FRMD4B: variants seen among roughly 807,000 people sequenced by gnomAD.
The protein encoded by FRMD4B is FERM domain-containing protein 4B.
A neutral mutation model predicts 141.5 loss-of-function variants in FRMD4B; 74 were observed. That is an observed-to-expected ratio of 0.52 (90% CI 0.43 to 0.63). FRMD4B has a LOEUF of 0.63. FRMD4B is among the 30% of genes least tolerant of loss of function. The pLI is 0.00. For missense variants in FRMD4B, 1,366 were observed against 1,253.4 expected (o/e 1.09, Z -1.36); for synonymous variants, 506 against 467.9 (o/e 1.08, Z -1.05).
In FRMD4B at chr3:69,519,000, G is replaced by A. The variant is rs763516192; in HGVS notation, c.-129+23206C>T. 2.0e-4 allele frequency among the ~76,000 whole-genome samples: 31 copies of A among 152,212 alleles called. 1 individual carries two copies. The highest frequency in any genetic ancestry group is 8.8e-5 in the Non-Finnish European group (6 of 68,036). ...CCTCAGATTCCCCTCTGAAGAATCT[G>A]TTGAGAAGGTGTGGGCATGGCACAA... On this transcript the variant is annotated intron_variant, in intron 1 of 5. Coordinates refer to the FRMD4B transcript ENST00000459638.
chr3:69,315,852 T>C (rs1046364278), intron 1 of FRMD4B, among the ~76,000 whole-genome samples: 5 of 152,248 alleles, frequency 3.3e-5, no homozygotes, highest in African/African-American at 1.2e-4. Flanking sequence ...CTCTAAGCCG[T>C]TGTACAAAAC....
chr3:69,334,514 G>A (rs769122221), intron 1 of FRMD4B: 10 of 151,986 alleles, frequency 6.6e-5, no homozygotes, highest in Admixed American at 2.6e-4. Context: ...GTGGGACTGG[G>A]ATTAAATGAT....
intron 2 of FRMD4B, among the ~76,000 whole-genome samples, chr3:69,417,556 C>A (rs1388064283): frequency 1.3e-5 from 2 of 152,152 alleles, no homozygotes; most frequent in Non-Finnish European, 2.9e-5. Flanking sequence ...TTAATTAGAT[C>A]CCGTTTGTCA....
At chr3:69,189,094 T>C (rs1575592112) in intron 18 of FRMD4B, among the ~76,000 whole-genome samples, 1 of 150,508 alleles carries the variant, frequency 6.6e-6, no homozygotes, top group Admixed American at 6.6e-5. Context: ...TGGTGCCCAA[T>C]GCCTGTAATC....
chr3:69,200,619 T>G (rs9868056), intron 11 of FRMD4B: 143,806 of 1,209,304 alleles, frequency 0.12, 11,204 homozygotes, highest in African/African-American at 0.39. Flanking sequence ...CCTCCCTAAT[T>G]CTACTCCTTC....
chr3:69,269,129 A>G (rs1031947627), intron 5 of FRMD4B, among the ~76,000 whole-genome samples: 2 of 151,506 alleles, frequency 1.3e-5, no homozygotes, highest in Non-Finnish European at 2.9e-5. Flanking sequence ...AGCTTTCTCC[A>G]TGTTGGTCAG....
chr3:69,476,510 T>A (rs1230094565), intron 1 of FRMD4B, among the ~76,000 whole-genome samples: 1 of 152,168 alleles, frequency 6.6e-6, no homozygotes. Flanking sequence ...GATCAGATAG[T>A]TGTAGATATG....
chr3:69,243,773 C>T (rs763484765), intron 7 of FRMD4B, among the ~76,000 whole-genome samples: 43 of 152,146 alleles, frequency 2.8e-4, no homozygotes, highest in Non-Finnish European at 4.1e-4. Flanking sequence ...AGGCCAGGTA[C>T]GGTGGCTCAC....
At chr3:69,438,446 C>CA (rs774248898) in intron 1 of FRMD4B, among the ~76,000 whole-genome samples, 1 of 151,762 alleles carries the variant, frequency 6.6e-6, no homozygotes. Context: ...ATGTTCAAGA[C>CA]AAAAAAGGAT....
intron 5 of FRMD4B, among the ~76,000 whole-genome samples, chr3:69,253,893 C>G (rs529737408): frequency 1.3e-5 from 2 of 152,134 alleles, no homozygotes; most frequent in South Asian, 2.1e-4. Flanking sequence ...TTTGAGATCA[C>G]GCACCATAGC....
chr3:69,362,065 T>A (rs1254308277), intron 1 of FRMD4B, among the ~76,000 whole-genome samples: 1 of 152,186 alleles, frequency 6.6e-6, no homozygotes, highest in African/African-American at 2.4e-5. Flanking sequence ...AGTAGAAGCA[T>A]TTGTGTTTAA....
At chr3:69,439,664 C>G (rs1258526726) in intron 1 of FRMD4B, among the ~76,000 whole-genome samples, 1 of 152,182 alleles carries the variant, frequency 6.6e-6, no homozygotes, top group African/African-American at 2.4e-5. Context: ...AGAAGTCTAA[C>G]TAGGGAATGA....
chr3:69,362,923 T>C (rs1221688244), intron 1 of FRMD4B, among the ~76,000 whole-genome samples: 1 of 151,972 alleles, frequency 6.6e-6, no homozygotes, highest in African/African-American at 2.4e-5. Context: ...TTGTTGTTGT[T>C]GGACAATTCT....
intron 1 of FRMD4B, among the ~76,000 whole-genome samples, chr3:69,478,025 G>A (rs1706032791): frequency 1.3e-5 from 2 of 152,044 alleles, no homozygotes; most frequent in Non-Finnish European, 2.9e-5. Flanking sequence ...ATGGTAGTTT[G>A]TATTTCTGAG....
At chr3:69,260,674 A>C (rs889154447) in intron 5 of FRMD4B, among the ~76,000 whole-genome samples, 4 of 152,238 alleles carry the variant, frequency 2.6e-5, no homozygotes, top group African/African-American at 9.6e-5. Flanking sequence ...CTCTGCCCGC[A>C]GCCCCAGCAC....
In FRMD4B at chr3:69,293,880, C is replaced by CAAAAAAAAAAAAA. The variant is rs10699871; in HGVS notation, c.417-6057_417-6045dup. 1.9e-4 allele frequency among the ~76,000 whole-genome samples: 14 copies of CAAAAAAAAAAAAA among 74,448 alleles called. 1 individual carries two copies. The highest frequency in any genetic ancestry group is 7.8e-4 in the African/African-American group (13 of 16,770). The allele number at this position is 74,448 out of a possible 152,430, so 48.8% of individuals were successfully genotyped here. A position where few individuals can be genotyped will look rare whatever the true frequency, so the allele number is the denominator to read the frequency against. On this transcript the variant is annotated intron_variant, in intron 4 of 22. Transcript: ENST00000398540. ...TGGGTGACAGAGCTAGATTCTGCCT[C>CAAAAAAAAAAAAA]AAAAAAAAAAAAAAAAAAAAAAAAA...
chr3:69,200,171 G>T (rs943884933), intron 11 of FRMD4B, among the ~76,000 whole-genome samples: 1 of 152,092 alleles, frequency 6.6e-6, no homozygotes, highest in African/African-American at 2.4e-5. Context: ...TCATGTAAAG[G>T]AACAAAATGA....
At chr3:69,412,927 C>A (rs760155927) in intron 2 of FRMD4B, among the ~76,000 whole-genome samples, 1 of 147,624 alleles carries the variant, frequency 6.8e-6, no homozygotes, top group Non-Finnish European at 1.5e-5. Context: ...AAGCTTCACA[C>A]GCACCAGGCA....
intron 4 of FRMD4B, among the ~76,000 whole-genome samples, chr3:69,288,977 C>T (rs1700787659): frequency 6.6e-6 from 1 of 152,204 alleles, no homozygotes. Flanking sequence ...TCGAAACATT[C>T]CACCCTTTAA....
Sources: allele counts gnomAD v4.1 joint callset (sites outside exome capture counted in the v4.1 genomes callset), GRCh38; gene constraint gnomAD v4.1.1; transcripts MANE v1.5; gene names NCBI Gene and HGNC (gene_info 2026-07-23, HGNC 2026-07-21).